Variants in SLC8A3 observed in about 807,000 individuals in gnomAD.
SLC8A3 encodes the protein sodium/calcium exchanger 3.
In SLC8A3, 37 loss-of-function variants were observed where a neutral mutation model predicts 65.4. That is an observed-to-expected ratio of 0.57 (90% CI 0.44 to 0.74). The LOEUF is 0.74. Ranked by LOEUF, SLC8A3 falls within the 30% of genes least tolerant of loss-of-function variation. The pLI is 0.00. For synonymous variants in SLC8A3, 461 were observed against 444.5 expected (o/e 1.04, Z -0.47); for missense variants, 1,112 against 1,172.1 (o/e 0.95, Z 0.75).
chr14:70,179,661 C>T (rs1304333036), intron 1 of SLC8A3, among the ~76,000 whole-genome samples: 3 of 152,178 alleles, frequency 2.0e-5, no homozygotes, highest in African/African-American at 4.8e-5. Context: ...CTAAACACGG[C>T]CCCTTCTCCC....
chr14:70,165,800 G>C (rs945953915), intron 2 of SLC8A3, among the ~76,000 whole-genome samples: 5 of 152,258 alleles, frequency 3.3e-5, no homozygotes, highest in Non-Finnish European at 5.9e-5. Flanking sequence ...AGTAGCCCAA[G>C]AAGAGGTACT....
intron 2 of SLC8A3, among the ~76,000 whole-genome samples, chr14:70,125,606 T>A (rs1302493543): frequency 8.2e-6 from 1 of 122,204 alleles, no homozygotes; most frequent in Admixed American, 8.1e-5. Flanking sequence ...GATTCCATAT[T>A]TTTGCTACTG....
At chr14:70,049,591 T>A (rs1887232565) in intron 5 of SLC8A3, among the ~76,000 whole-genome samples, 1 of 151,406 alleles carries the variant, frequency 6.6e-6, no homozygotes, top group African/African-American at 2.4e-5. Context: ...GTAACAAAAC[T>A]CTATGTTCTG....
chr14:70,180,856 T>C lies in SLC8A3; in HGVS notation c.-63+7523A>G, dbSNP rs373720700. ...ATTGAGGAGTGCCAACCTGGGGCCC[T>C]TGAGGCACTCTAACCAGTTTAGGGC... On this transcript the variant is annotated intron_variant, in intron 1 of 6. Coordinates refer to ENST00000356921, the MANE Select transcript of SLC8A3 (RefSeq NM_182932.3). Among the ~76,000 whole-genome samples the C allele has an allele frequency of 8.5e-5, 13 of 152,262 alleles. No individual in the cohort carries two copies. In the East Asian group the frequency reaches 2.3e-3, roughly 27 times the overall value.
chr14:70,147,789 C>G (rs1896025952), intron 2 of SLC8A3, among the ~76,000 whole-genome samples: 1 of 152,214 alleles, frequency 6.6e-6, no homozygotes, highest in African/African-American at 2.4e-5. Context: ...AACACCTTAA[C>G]TGCAGCTAAA....
At chr14:70,156,921 C>T (rs570220237) in intron 2 of SLC8A3, among the ~76,000 whole-genome samples, 105 of 152,248 alleles carry the variant, frequency 6.9e-4, no homozygotes, top group African/African-American at 1.8e-3. Context: ...CTGAAAACGA[C>T]GGAAGATTAT....
chr14:70,174,274 G>A (rs561568384), intron 1 of SLC8A3, among the ~76,000 whole-genome samples: 2 of 152,228 alleles, frequency 1.3e-5, no homozygotes, highest in Non-Finnish European at 2.9e-5. Context: ...TGGATCCATG[G>A]TAGAGCCCTG....
At chr14:70,086,699 CT>C (rs994311230) in intron 2 of SLC8A3, among the ~76,000 whole-genome samples, 3 of 151,486 alleles carry the variant, frequency 2.0e-5, no homozygotes, top group African/African-American at 7.3e-5. Context: ...CAATTTCTTT[CT>C]TTTTTTTTCT....
intron 3 of SLC8A3, among the ~76,000 whole-genome samples, chr14:70,056,981 G>A (rs765592656): frequency 5.3e-5 from 8 of 152,160 alleles, no homozygotes; most frequent in Non-Finnish European, 1.0e-4. Flanking sequence ...TCTGGGAAGA[G>A]CTTGCCACAT....
At position 70,167,288 on chromosome 14, in the gene SLC8A3, T is replaced by C. The variant is rs1361357674; in HGVS notation, c.1135A>G (p.Lys379Glu). 6.2e-7 allele frequency: 1 copy of C among 1,614,088 alleles called. No individual in the cohort carries two copies. Among genetic ancestry groups the C allele is most frequent in the Non-Finnish European group, 8.5e-7 (1 of 1,180,044 alleles). Reference sequence around the variant, plus strand: ...TGCACCTCGCTCATGCTGGAGGCCTTCTTGGCTTGTTCTGCTGCATGTTTC... The same window carrying C: ...TGCACCTCGCTCATGCTGGAGGCCTCCTTGGCTTGTTCTGCTGCATGTTTC... ...LKKHAAEQAKKASSMSEVHTD... is the reference protein window; with the variant it reads ...LKKHAAEQAKEASSMSEVHTD... The change falls in exon 2 of 7, where the codon AAG becomes GAG. Residue 379 changes from lysine (K) to glutamate (E), a missense_variant. By Grantham distance (56) the Lys-to-Glu change is moderately conservative. Transcript: ENST00000356921.
intron 1 of SLC8A3, 89 bp from the exon 2 acceptor site, chr14:70,168,573 TC>T: frequency 1.6e-6 from 1 of 616,218 alleles, no homozygotes; most frequent in Non-Finnish European, 2.9e-6. Flanking sequence ...ATGCTTCACC[TC>T]CAGTGACATA....
intron 3 of SLC8A3, among the ~76,000 whole-genome samples, chr14:70,053,925 C>G (rs1887781686): frequency 6.6e-6 from 1 of 152,094 alleles, no homozygotes; most frequent in Non-Finnish European, 1.5e-5. Flanking sequence ...CCTTTAAATT[C>G]AAATGTTGTT....
chr14:70,110,145 G>A (rs1314163219), intron 2 of SLC8A3, among the ~76,000 whole-genome samples: 1 of 152,040 alleles, frequency 6.6e-6, no homozygotes, highest in Non-Finnish European at 1.5e-5. Context: ...AGCACATCAT[G>A]AATAATGGCA....
At chr14:70,086,407 T>C (rs1458195408) in intron 2 of SLC8A3, among the ~76,000 whole-genome samples, 3 of 144,896 alleles carry the variant, frequency 2.1e-5, no homozygotes, top group Admixed American at 1.4e-4. Context: ...TTTTCTTTTT[T>C]TTTTTTTTTT....
In SLC8A3 at chr14:70,167,440, G is replaced by T. The variant is rs144107599; in HGVS notation, c.983C>A (p.Pro328Gln). ...RILKDLKQKHPEKDLDQLVEM... is the reference protein window; with the variant it reads ...RILKDLKQKHQEKDLDQLVEM... ...CACCAGCTGATCTAAGTCCTTCTCT[G>T]GGTGTTTTTGCTTCAGATCCTTGAG... The change falls in exon 2 of 7, where the codon CCA becomes CAA. Residue 328 changes from proline (P) to glutamine (Q), a missense_variant. Coordinates refer to ENST00000356921, the MANE Select transcript of SLC8A3 (RefSeq NM_182932.3). 52 of 1,613,982 alleles carry T rather than the reference G, an allele frequency of 3.2e-5. No homozygotes were observed. The highest frequency in any genetic ancestry group is 4.3e-5 in the Non-Finnish European group (51 of 1,180,016).
chr14:70,132,629 A>G (rs1337586443), intron 2 of SLC8A3, among the ~76,000 whole-genome samples: 4 of 152,178 alleles, frequency 2.6e-5, no homozygotes, highest in African/African-American at 9.7e-5. Flanking sequence ...CCATTTGTCA[A>G]TTGCATTTCA....
intron 2 of SLC8A3, among the ~76,000 whole-genome samples, chr14:70,143,513 C>T (rs1056720074): frequency 6.6e-6 from 1 of 152,120 alleles, no homozygotes; most frequent in Non-Finnish European, 1.5e-5. Context: ...ATCACAGCTA[C>T]GTATCAGAAT....
At chr14:70,178,741 T>C (rs1417527271) in intron 1 of SLC8A3, among the ~76,000 whole-genome samples, 1 of 152,214 alleles carries the variant, frequency 6.6e-6, no homozygotes, top group Non-Finnish European at 1.5e-5. Context: ...CATTCTCAAA[T>C]TTATTGAGTG....
At chr14:70,159,410 C>A (rs75422700) in intron 2 of SLC8A3, among the ~76,000 whole-genome samples, 13 of 133,708 alleles carry the variant, frequency 9.7e-5, no homozygotes, top group Non-Finnish European at 1.1e-4. Flanking sequence ...AAGACTCTGT[C>A]AAAAAAAAAA....
Sources: gnomAD v4.1 joint callset for allele counts (sites outside exome capture counted in the v4.1 genomes callset) on GRCh38, gnomAD v4.1.1 for gene constraint, MANE v1.5 for transcripts, NCBI Gene and HGNC (gene_info 2026-07-23, HGNC 2026-07-21) for gene names.